ZNF114: variants seen among roughly 807,000 people sequenced by gnomAD.
ZNF114 encodes the protein zinc finger protein 114 (Y18).
In ZNF114, 8 loss-of-function variants were observed where a neutral mutation model predicts 6.8. The ratio of observed to expected loss-of-function variants is 1.18; its 90% CI spans 0.69 to 2.13. The LOEUF (loss-of-function observed/expected upper bound fraction) is 2.13. Among genes scored for constraint, ZNF114 ranks in the 30% most tolerant of loss-of-function variants. ZNF114 has a pLI of 0.00. For missense variants in ZNF114, 472 were observed against 519.5 expected (o/e 0.91, Z 0.89); for synonymous variants, 169 against 185.5 (o/e 0.91, Z 0.72).
At chr19:48,277,539 T>C (rs1490478865) in intron 3 of ZNF114, among the ~76,000 whole-genome samples, 1 of 152,122 alleles carries the variant, frequency 6.6e-6, no homozygotes, top group East Asian at 1.9e-4. Flanking sequence ...GCGCAGGTAT[T>C]TTTAGTGTTC....
intron 3 of ZNF114, among the ~76,000 whole-genome samples, chr19:48,273,613 GC>G (rs986639867): frequency 6.6e-6 from 1 of 151,930 alleles, no homozygotes; most frequent in Non-Finnish European, 1.5e-5. Context: ...ATCAGGTGTG[GC>G]TGTTTCCTTG....
At chr19:48,272,673 C>CAAAAAAAAAAAAAAAAAAAAAAAA (rs57823987) in intron 3 of ZNF114, among the ~76,000 whole-genome samples, 15 of 39,226 alleles carry the variant, frequency 3.8e-4, no homozygotes, top group Admixed American at 7.6e-4. Flanking sequence ...GACTCTCTCT[C>CAAAAAAAAAAAAAAAAAAAAAAAA]AAAAAAAAAA....
At chr19:48,272,622 C>T (rs1568989044) in intron 3 of ZNF114, among the ~76,000 whole-genome samples, 23 of 117,858 alleles carry the variant, frequency 2.0e-4, no homozygotes, top group African/African-American at 8.0e-4. Context: ...TGCAGTGAGC[C>T]GAGATCGTGC....
At chr19:48,276,476 G>A (rs1030133164) in intron 3 of ZNF114, among the ~76,000 whole-genome samples, 21 of 151,978 alleles carry the variant, frequency 1.4e-4, no homozygotes, top group Admixed American at 9.8e-4. Context: ...TGTGTCCACC[G>A]ACGTGTCTTA....
intron 3 of ZNF114, among the ~76,000 whole-genome samples, chr19:48,279,363 A>C (rs1484587550): frequency 7.0e-6 from 1 of 143,158 alleles, no homozygotes. Flanking sequence ...GCACTACTGC[A>C]CTCCAGCCTG....
chr19:48,286,026 T>C lies in ZNF114; in HGVS notation c.402T>C (p.Pro134=), dbSNP rs1030854752. 1.2e-6 allele frequency: 2 copies of C among 1,613,852 alleles called. No homozygotes were observed. The highest frequency in any genetic ancestry group is 1.7e-6 in the Non-Finnish European group (2 of 1,180,044). The change falls in exon 6 of 6, where the codon CCT becomes CCC. Residue 134 remains proline (P), a synonymous_variant. Coordinates refer to ENST00000595607, the MANE Select transcript of ZNF114 (RefSeq NM_153608.4). ...EDHEMRNHSK[P]TCRLVPSQGD... is the part of the protein sequence containing the mutation. ...ATGAAATGAGGAACCACTCTAAACC[T>C]ACCTGCAGGCTTGTGCCTTCACAGG...
At chr19:48,285,635 CGAGG>C in intron 5 of ZNF114, 122 bp from the exon 6 acceptor site, 10 of 1,044,664 alleles carry the variant, frequency 9.6e-6, no homozygotes, top group South Asian at 1.8e-5. Context: ...ATGGAAGGAG[CGAGG>C]GAGGGAGGGA....
chr19:48,286,635 T>A lies in ZNF114; in HGVS notation c.1011T>A (p.Cys337Ter). ...AGAAACCGTATGAATGTGGGAAATG[T>A]GGGAAAGCCTTTAGATATTCCTTAC... ...TGEKPYECGK[C>*]GKAFRYSLHL... The change falls in exon 6 of 6, where the codon TGT becomes TGA. Residue 337 changes from cysteine (C) to a stop codon, truncating the protein, a stop_gained. Transcript: ENST00000595607. LOFTEE classifies it low-confidence loss of function (END_TRUNC). 1 of 1,613,828 alleles carries A rather than the reference T, an allele frequency of 6.2e-7. No individual in the cohort carries two copies. Among genetic ancestry groups the A allele is most frequent in the Non-Finnish European group, 8.5e-7 (1 of 1,179,974 alleles).
chr19:48,273,734 C>A (rs1014287721), intron 3 of ZNF114, among the ~76,000 whole-genome samples: 51 of 151,052 alleles, frequency 3.4e-4, no homozygotes, highest in Admixed American at 6.6e-5. Flanking sequence ...GACTTGGATC[C>A]CCCAGGCAAC....
At chr19:48,272,411 CAAA>C (rs199855031) in intron 3 of ZNF114, among the ~76,000 whole-genome samples, 1 of 127,594 alleles carries the variant, frequency 7.8e-6, no homozygotes, top group South Asian at 2.6e-4. Flanking sequence ...GACTCTGTCT[CAAA>C]AAAAAAAATA....
At position 48,278,579 on chromosome 19, in the gene ZNF114, A is replaced by C. The variant is rs550399396; in HGVS notation, c.-69-1152A>C. ...GGCTGGGTAATATTCCATGGTGCGGATAGACCACGTTTGCTTTCTTTGTTC... is the reference window on the plus strand; with the variant it reads ...GGCTGGGTAATATTCCATGGTGCGGCTAGACCACGTTTGCTTTCTTTGTTC... On this transcript the variant is annotated intron_variant, in intron 3 of 5. Transcript: ENST00000595607. Among the ~76,000 whole-genome samples, 5 of 152,212 alleles carry C rather than the reference A, an allele frequency of 3.3e-5. No individual in the cohort carries two copies. The South Asian group carries it at 6.2e-4, about 19-fold the overall frequency.
Position 48,286,848 on chromosome 19 carries a change from G to T in ZNF114, c.1224G>T (p.Lys408Asn). ...AKSSGLKKHL[K>N]THKDEKPCE ...CGTCAGGACTTAAAAAACATCTTAA[G>T]ACTCACAAAGATGAGAAGCCCTGTG... The change falls in exon 6 of 6, where the codon AAG becomes AAT. Residue 408 changes from lysine to asparagine, a missense_variant. Physicochemically the swap from Lys to Asn is moderately conservative, Grantham distance 94 (BLOSUM62 0). Coordinates refer to ENST00000595607, the MANE Select transcript of ZNF114 (RefSeq NM_153608.4). 1 of 1,571,368 alleles carries T rather than the reference G, an allele frequency of 6.4e-7. No homozygotes were observed. The highest frequency in any genetic ancestry group is 1.2e-5 in the South Asian group (1 of 83,402).
Position 48,285,915 on chromosome 19 carries a change from A to G in ZNF114, c.291A>G (p.Glu97=). The change falls in exon 6 of 6, where the codon GAA becomes GAG. Residue 97 remains glutamate, a synonymous_variant. Coordinates refer to ENST00000595607, the MANE Select transcript of ZNF114 (RefSeq NM_153608.4). ...REDWRCPKTE[E]PHRQGVNNVK... ...ACTGGAGATGCCCCAAAACAGAGGA[A>G]CCACACAGGCAGGGGGTGAATAATG... 1.2e-6 allele frequency: 2 copies of G among 1,614,150 alleles called. No individual in the cohort carries two copies. Among genetic ancestry groups the G allele is most frequent in the Middle Eastern group, 3.3e-4 (2 of 6,062 alleles).
At chr19:48,274,514 T>A (rs1206775680) in intron 3 of ZNF114, among the ~76,000 whole-genome samples, 21 of 58,478 alleles carry the variant, frequency 3.6e-4, no homozygotes, top group African/African-American at 2.0e-3. Flanking sequence ...ATATTTTTTT[T>A]TTTTTTTTTG....
intron 3 of ZNF114, among the ~76,000 whole-genome samples, chr19:48,272,222 C>A (rs1045407312): frequency 1.3e-5 from 2 of 152,000 alleles, no homozygotes; most frequent in African/African-American, 4.8e-5. Context: ...ACCAGCCTGG[C>A]CAACATGGTG....
rs780166537 is a variant in ZNF114, at chr19:48,286,843, C to CT, written c.1221dup (p.Lys408Ter). On this transcript the variant is annotated frameshift_variant, in exon 6 of 6. Transcript: ENST00000595607. LOFTEE classifies it low-confidence loss of function (END_TRUNC). The stretch of plus-strand genomic sequence containing the variant: ...AAAGTCGTCAGGACTTAAAAAACAT[C>CT]TTAAGACTCACAAAGATGAGAAGCC... The CT allele has an allele frequency of 1.1e-4, 167 of 1,574,066 alleles. No homozygotes were observed. Among genetic ancestry groups the CT allele is most frequent in the Non-Finnish European group, 1.3e-4 (155 of 1,168,014 alleles).
chr19:48,279,787 G>C lies in ZNF114; in HGVS notation c.-13G>C, dbSNP rs754358417. ...CGGGGAAGCCAGGACTGGCCGTCACGTTGGTGACAAATATGTCCCAGGTAA... is the reference window on the plus strand; with the variant it reads ...CGGGGAAGCCAGGACTGGCCGTCACCTTGGTGACAAATATGTCCCAGGTAA... On this transcript the variant is annotated 5_prime_UTR_variant, in exon 4 of 6. Coordinates refer to ENST00000595607, the MANE Select transcript of ZNF114 (RefSeq NM_153608.4). The C allele has an allele frequency of 6.2e-7, 1 of 1,613,978 alleles. No homozygotes were observed. Among genetic ancestry groups the C allele is most frequent in the South Asian group, 1.1e-5 (1 of 91,086 alleles).
At chr19:48,273,474 T>G (rs1967733380) in intron 3 of ZNF114, among the ~76,000 whole-genome samples, 1 of 150,340 alleles carries the variant, frequency 6.7e-6, no homozygotes, top group African/African-American at 2.4e-5. Context: ...GTGTCTGAGG[T>G]TACTAGGGTC....
rs904431840 is a variant in ZNF114 at position 48,286,030 on chromosome 19, T to C, written c.406T>C (p.Cys136Arg). ...AATGAGGAACCACTCTAAACCTACC[T>C]GCAGGCTTGTGCCTTCACAGGGAGA... Reference protein sequence around the residue: ...HEMRNHSKPTCRLVPSQGDSI... With the variant: ...HEMRNHSKPTRRLVPSQGDSI... The change falls in exon 6 of 6, where the codon TGC becomes CGC. Residue 136 changes from cysteine to arginine, a missense_variant. Cys to Arg is a radical substitution (Grantham distance 180, BLOSUM62 -3). Transcript: ENST00000595607. 4 of 1,613,870 alleles carry C rather than the reference T, an allele frequency of 2.5e-6. No homozygotes were observed. The highest frequency in any genetic ancestry group is 3.3e-5 in the Admixed American group (2 of 60,002).
Sources: gnomAD v4.1 joint callset for allele counts (sites outside exome capture counted in the v4.1 genomes callset) on GRCh38, gnomAD v4.1.1 for gene constraint, MANE v1.5 for transcripts, NCBI Gene and HGNC (gene_info 2026-07-23, HGNC 2026-07-21) for gene names.